Variants in NCOR2 observed in about 807,000 individuals in gnomAD.
NCOR2 encodes the protein CTG repeat protein 26.
NCOR2 carries 81 observed loss-of-function variants against 262.9 expected under a neutral mutation model. The ratio of observed to expected loss-of-function variants is 0.31; its 90% CI spans 0.26 to 0.37. The LOEUF (loss-of-function observed/expected upper bound fraction) is 0.37. Ranked by LOEUF, NCOR2 falls within the 10% of genes least tolerant of loss-of-function variation. The pLI, the probability that NCOR2 is intolerant of heterozygous loss-of-function variation, is 1.00. For missense variants in NCOR2, 3,385 were observed against 3,621.4 expected (o/e 0.93, Z 1.68); for synonymous variants, 1,659 against 1,559.3 (o/e 1.06, Z -1.51).
intron 7 of NCOR2, among the ~76,000 whole-genome samples, chr12:124,448,554 T>C (rs992446545): frequency 1.3e-5 from 2 of 152,126 alleles, no homozygotes; most frequent in Non-Finnish European, 2.9e-5. Flanking sequence ...CCAGCCACGC[T>C]GGTGAAGTAT....
chr12:124,449,978 G>C, intron 6 of NCOR2, 111 bp from the exon 9 acceptor site: 4 of 1,104,964 alleles, frequency 3.6e-6, no homozygotes, highest in African/African-American at 1.6e-5. Context: ...TCTGGGTGAG[G>C]GCTCAGCCGC....
chr12:124,458,258 G>A (rs1050788279), intron 5 of NCOR2, among the ~76,000 whole-genome samples: 5 of 152,334 alleles, frequency 3.3e-5, no homozygotes, highest in African/African-American at 4.8e-5. Context: ...AAAATTTGAC[G>A]CAGCCTTTGC....
chr12:124,555,605 G>A (rs1005482407), intron 1 of NCOR2, among the ~76,000 whole-genome samples: 1 of 152,196 alleles, frequency 6.6e-6, no homozygotes. Flanking sequence ...CTGAAGAAAC[G>A]CAGAGGGGCC....
chr12:124,397,491 G>C (rs747611053), intron 16 of NCOR2, among the ~76,000 whole-genome samples: 4 of 152,160 alleles, frequency 2.6e-5, no homozygotes, highest in Non-Finnish European at 4.4e-5. Context: ...CCATCTGCTC[G>C]GGATGGCTTC....
intron 2 of NCOR2, among the ~76,000 whole-genome samples, chr12:124,484,220 G>A (rs903288560): frequency 6.6e-6 from 1 of 152,208 alleles, no homozygotes; most frequent in Non-Finnish European, 1.5e-5. Flanking sequence ...AACAGCACCC[G>A]TGATGCCATT....
rs774197454 is a variant in NCOR2 at position 124,482,074 on chromosome 12, C to A, written c.411+1522G>T. ...TGGAGTCCCTGAGTGCCAACAAGAA[C>A]ACAGCTGCATCCGCCGGGGGAGGTT... On this transcript the variant is annotated intron_variant, in intron 3 of 46. Coordinates refer to ENST00000405201, the Ensembl canonical transcript of NCOR2. This position sits in a 1 kb window ranked among gnomAD's most constrained non-coding sequence, Gnocchi z 6.3. 8.5e-5 allele frequency among the ~76,000 whole-genome samples: 13 copies of A among 152,110 alleles called. No individual in the cohort carries two copies. Among genetic ancestry groups the A allele is most frequent in the Non-Finnish European group, 1.9e-4 (13 of 67,998 alleles).
At chr12:124,544,436 C>A (rs550519392) in intron 1 of NCOR2, among the ~76,000 whole-genome samples, 1 of 152,342 alleles carries the variant, frequency 6.6e-6, no homozygotes, top group East Asian at 1.9e-4. Context: ...CCTTTAGAAG[C>A]TCCCTGGAGG....
chr12:124,525,903 T>C (rs766568850), intron 1 of NCOR2, among the ~76,000 whole-genome samples: 1 of 152,188 alleles, frequency 6.6e-6, no homozygotes, highest in Non-Finnish European at 1.5e-5. Context: ...GCACCTACTT[T>C]CTAAGGCTGC....
chr12:124,567,182 G>C (rs1455783543), intron 1 of NCOR2, 126 bp downstream of exon 1: 1 of 152,006 alleles, frequency 6.6e-6, no homozygotes, highest in African/African-American at 2.4e-5. Flanking sequence ...CCCCGAGAGC[G>C]CCAACTCGGG....
At chr12:124,475,496 A>AAT (rs1172195037) in intron 3 of NCOR2, among the ~76,000 whole-genome samples, 7 of 152,214 alleles carry the variant, frequency 4.6e-5, no homozygotes, top group African/African-American at 1.7e-4. Flanking sequence ...AGATGGTAAA[A>AAT]ATAGCTCAAG....
upstream of NCOR2, among the ~76,000 whole-genome samples, chr12:124,498,717 C>T (rs2048513124): frequency 6.6e-6 from 1 of 152,222 alleles, no homozygotes; most frequent in African/African-American, 2.4e-5. Context: ...ACACGGTATG[C>T]ATGTTCATGG....
intron 3 of NCOR2, among the ~76,000 whole-genome samples, chr12:124,478,766 T>C (rs183715637): frequency 2.0e-5 from 3 of 150,532 alleles, no homozygotes; most frequent in Admixed American, 6.6e-5. Flanking sequence ...GAAATGGACA[T>C]AGATGAAGAC....
At chr12:124,399,202 T>G (rs2041862007) in intron 15 of NCOR2, among the ~76,000 whole-genome samples, 1 of 152,038 alleles carries the variant, frequency 6.6e-6, no homozygotes, top group South Asian at 2.1e-4. Flanking sequence ...CCCCCATCTC[T>G]GCAGCCACAG....
In NCOR2 at chr12:124,534,329, C is replaced by T. The variant is rs546167551; in HGVS notation, c.-118+1236G>A. The stretch of plus-strand genomic sequence containing the variant: ...AAAATTAGCCAGGCGTGGTGGCGCA[C>T]GCCTGTAATCCCAGCTACTAAGGAG... On this transcript the variant is annotated intron_variant, in intron 1 of 46. Transcript: ENST00000404621. Among the ~76,000 whole-genome samples, 6 of 152,060 alleles carry T rather than the reference C, an allele frequency of 3.9e-5. No homozygotes were observed. The East Asian group carries it at 7.7e-4, about 20-fold the overall frequency.
At chr12:124,554,270 A>C (rs2051812569) in intron 1 of NCOR2, among the ~76,000 whole-genome samples, 1 of 152,176 alleles carries the variant, frequency 6.6e-6, no homozygotes, top group Non-Finnish European at 1.5e-5. Context: ...GCAAAAAATC[A>C]CACAGCAATC....
chr12:124,503,636 G>A lies in NCOR2; in HGVS notation c.-117-8268C>T, dbSNP rs1361919780. On this transcript the variant is annotated intron_variant, in intron 1 of 46. Transcript: ENST00000404621. This position sits in a 1 kb window ranked among gnomAD's most constrained non-coding sequence, Gnocchi z 4.3. Reference sequence around the variant, plus strand: ...GACGGATGGATGGATGGATGGATGGGCGAATGGATGGATGGATGGATGGAT... The same window carrying A: ...GACGGATGGATGGATGGATGGATGGACGAATGGATGGATGGATGGATGGAT... Among the ~76,000 whole-genome samples the A allele has an allele frequency of 1.6e-5, 2 of 124,948 alleles. No individual in the cohort carries two copies. Among genetic ancestry groups the A allele is most frequent in the African/African-American group, 6.8e-5 (2 of 29,242 alleles). 82.0% of individuals were successfully genotyped at this position (124,948 alleles called of 152,430 possible).
intron 41 of NCOR2, among the ~76,000 whole-genome samples, chr12:124,333,719 T>C (rs995451852): frequency 3.3e-5 from 5 of 151,726 alleles, no homozygotes; most frequent in African/African-American, 1.2e-4. Flanking sequence ...CTCCCCTCTC[T>C]TTCTCTTTTG....
chr12:124,434,808 A>G (rs867038511), intron 8 of NCOR2, among the ~76,000 whole-genome samples: 22 of 152,180 alleles, frequency 1.4e-4, no homozygotes, highest in Admixed American at 3.3e-4. Flanking sequence ...CTATTTTCCA[A>G]TAGTGCAACA....
chr12:124,339,697 A>C (rs2036257599), intron 37 of NCOR2, among the ~76,000 whole-genome samples: 1 of 79,382 alleles, frequency 1.3e-5, no homozygotes. Context: ...CTGATCATCC[A>C]CCCATCCAAC....
Sources: allele counts gnomAD v4.1 joint callset (sites outside exome capture counted in the v4.1 genomes callset), GRCh38; gene constraint gnomAD v4.1.1; non-coding constraint Gnocchi (gnomAD v3.1); transcripts MANE v1.5; gene names NCBI Gene and HGNC (gene_info 2026-07-23, HGNC 2026-07-21).